Variants in ANO5 observed in about 807,000 individuals in gnomAD.
The protein encoded by ANO5 is anoctamin-5.
In ANO5, 109 loss-of-function variants were observed where a neutral mutation model predicts 121.0. The ratio of observed to expected loss-of-function variants is 0.90; its 90% CI spans 0.77 to 1.06. The LOEUF (loss-of-function observed/expected upper bound fraction) is 1.06, where lower values mean the gene tolerates loss of function less well. ANO5 is among the 50% of genes least tolerant of loss of function. The pLI is 0.00. For synonymous variants in ANO5, 406 were observed against 359.9 expected (o/e 1.13, Z -1.45); for missense variants, 1,064 against 1,078.5 (o/e 0.99, Z 0.19).
chr11:22,217,856 A>G (rs896535213), intron 3 of ANO5, among the ~76,000 whole-genome samples: 4 of 151,952 alleles, frequency 2.6e-5, no homozygotes, highest in African/African-American at 9.7e-5. Flanking sequence ...TGATGAAATA[A>G]TCTGTACAAC....
At chr11:22,278,609 G>A (rs545042881) in intron 21 of ANO5, among the ~76,000 whole-genome samples, 4 of 150,220 alleles carry the variant, frequency 2.7e-5, no homozygotes, top group African/African-American at 9.8e-5. Context: ...GTGTGGAAGT[G>A]AAAAGCTGAT....
intron 18 of ANO5, among the ~76,000 whole-genome samples, chr11:22,272,108 G>A (rs1235237738): frequency 6.6e-6 from 1 of 151,896 alleles, no homozygotes; most frequent in African/African-American, 2.4e-5. Flanking sequence ...AATAGCATGG[G>A]TTATTTTACC....
intron 17 of ANO5, among the ~76,000 whole-genome samples, chr11:22,263,324 G>A (rs1360631549): frequency 6.6e-6 from 1 of 151,884 alleles, no homozygotes; most frequent in Non-Finnish European, 1.5e-5. Flanking sequence ...ATAATGTTTT[G>A]AACACAATCT....
Position 22,211,324 on chromosome 11 carries a change from G to A in ANO5, c.138+10G>A, listed in dbSNP as rs78987921. The A allele has an allele frequency of 2.0e-4, 326 of 1,611,236 alleles. 2 individuals carry two copies. The East Asian group carries it at 6.9e-3, about 34-fold the overall frequency. ...CAATGAAGAAACAATGGTAAGCAGC[G>A]ACCAGTACTATCCTTTCTTGCATGG... On this transcript the variant is annotated intron_variant, in intron 3 of 21. Coordinates refer to ENST00000324559, the MANE Select transcript of ANO5 (RefSeq NM_213599.3).
At chr11:22,218,391 A>T in intron 4 of ANO5, 104 bp downstream of exon 4, 1 of 1,433,676 alleles carries the variant, frequency 7.0e-7, no homozygotes, top group Non-Finnish European at 9.8e-7. Context: ...GAACATTGTC[A>T]CTAATTCCTA....
In ANO5 at chr11:22,250,989, T is replaced by C; in HGVS notation, c.1158T>C (p.Phe386=). The C allele has an allele frequency of 4.3e-6, 7 of 1,612,172 alleles. No homozygotes were observed. The highest frequency in any genetic ancestry group is 5.9e-6 in the Non-Finnish European group (7 of 1,179,438). ...TTGATAATGAGTCAACAGTGTTCTTTGCAATATTCATGGGAATTTGGGGTG... is the reference window on the plus strand; with the variant it reads ...TTGATAATGAGTCAACAGTGTTCTTCGCAATATTCATGGGAATTTGGGGTG... ...HLFDNESTVF[F]AIFMGIWVTL... is the part of the protein sequence containing the mutation. Residue 386 remains phenylalanine (F), a synonymous_variant, in exon 12 of 22, where the codon TTT becomes TTC. Transcript: ENST00000324559.
chr11:22,269,416 AG>A (rs1204707922), intron 17 of ANO5, among the ~76,000 whole-genome samples: 1 of 150,556 alleles, frequency 6.6e-6, no homozygotes, highest in Non-Finnish European at 1.5e-5. Flanking sequence ...AAAAAAGAGA[AG>A]GAAAAGAGAA....
chr11:22,282,236 AT>A lies in ANO5; in HGVS notation c.*2475del, dbSNP rs1590345705. ...CATTTGAGATTTTATGTGAAATAAA[AT>A]TTTAAGTGCCAAAGCCAAAAAAATA... On this transcript the variant is annotated 3_prime_UTR_variant, in exon 22 of 22. Transcript: ENST00000324559. 6.6e-6 allele frequency: 1 copy of A among 152,168 alleles called. No individual in the cohort carries two copies. Among genetic ancestry groups the A allele is most frequent in the East Asian group, 1.9e-4 (1 of 5,200 alleles). 9.4% of individuals were successfully genotyped at this position (152,168 alleles called of 1,614,324 possible).
intron 3 of ANO5, among the ~76,000 whole-genome samples, chr11:22,213,388 G>A (rs771343659): frequency 6.6e-6 from 1 of 151,610 alleles, no homozygotes; most frequent in African/African-American, 2.4e-5. Flanking sequence ...TCACAGCTTT[G>A]AGGAGTACTG....
chr11:22,193,084 T>A, upstream of ANO5: 2 of 1,040,852 alleles, frequency 1.9e-6, no homozygotes, highest in Non-Finnish European at 2.3e-6. Context: ...AGGGCAGGAG[T>A]GGAAAGGATC....
chr11:22,250,947 A>G lies in ANO5; in HGVS notation c.1120-4A>G. 6.2e-7 allele frequency: 1 copy of G among 1,612,194 alleles called. No individual in the cohort carries two copies. Among genetic ancestry groups the G allele is most frequent in the Non-Finnish European group, 8.5e-7 (1 of 1,178,824 alleles). The stretch of plus-strand genomic sequence containing the variant: ...TTGTGATATTGTTATTGTTATTTTT[A>G]CAGTTCTCCCATTTGTTTGATAATG... On this transcript the variant is annotated splice_polypyrimidine_tract_variant and splice_region_variant and intron_variant, in intron 11 of 21. Coordinates refer to ENST00000324559, the MANE Select transcript of ANO5 (RefSeq NM_213599.3).
intron 5 of ANO5, among the ~76,000 whole-genome samples, chr11:22,223,188 T>C (rs1852711202): frequency 6.6e-6 from 1 of 151,866 alleles, no homozygotes; most frequent in South Asian, 2.1e-4. Flanking sequence ...GGTTTAGGGG[T>C]TCATTAGAAG....
intron 1 of ANO5, among the ~76,000 whole-genome samples, 167 bp downstream of exon 1, chr11:22,193,699 C>G (rs1173475681): frequency 6.6e-6 from 1 of 152,142 alleles, no homozygotes; most frequent in Non-Finnish European, 1.5e-5. Flanking sequence ...GGGCAGAGTC[C>G]CCCGCCTGGG....
At chr11:22,257,562 T>C (rs913251434) in intron 13 of ANO5, 118 bp from the exon 14 acceptor site, 19 of 799,650 alleles carry the variant, frequency 2.4e-5, no homozygotes, top group East Asian at 2.7e-5. Flanking sequence ...CCATGACCTA[T>C]AGTAGGCCCT....
At chr11:22,274,795 G>T (rs560866753) in intron 20 of ANO5, 48 bp downstream of exon 20, 1 of 1,588,092 alleles carries the variant, frequency 6.3e-7, no homozygotes, top group Non-Finnish European at 8.6e-7. Context: ...TCCCTTAAGC[G>T]TATTTCTTAA....
chr11:22,271,000 T>TA (rs907238378), intron 18 of ANO5, among the ~76,000 whole-genome samples: 47 of 152,168 alleles, frequency 3.1e-4, no homozygotes, highest in African/African-American at 1.1e-3. Flanking sequence ...GAACTGCTTA[T>TA]ATGGTCTGCT....
intron 21 of ANO5, among the ~76,000 whole-genome samples, chr11:22,278,895 T>TC (rs1854969761): frequency 1.3e-5 from 2 of 148,648 alleles, no homozygotes; most frequent in East Asian, 2.0e-4. Context: ...TTTTTTTTTT[T>TC]CAATATGTTG....
At chr11:22,203,089 C>T (rs899512266) in intron 1 of ANO5, among the ~76,000 whole-genome samples, 3 of 151,976 alleles carry the variant, frequency 2.0e-5, no homozygotes, top group African/African-American at 4.8e-5. Flanking sequence ...GTTTTTCTAT[C>T]GTATTTCTAA....
chr11:22,240,951 C>T (rs1044881942), intron 9 of ANO5, among the ~76,000 whole-genome samples: 1 of 151,868 alleles, frequency 6.6e-6, no homozygotes, highest in African/African-American at 2.4e-5. Context: ...CACAGAATGC[C>T]TTATTATAAA....
Sources: gnomAD v4.1 joint callset for allele counts (sites outside exome capture counted in the v4.1 genomes callset) on GRCh38, gnomAD v4.1.1 for gene constraint, MANE v1.5 for transcripts, NCBI Gene and HGNC (gene_info 2026-07-23, HGNC 2026-07-21) for gene names.